NRG3: variants seen among roughly 807,000 people sequenced by gnomAD.
NRG3 encodes pro-neuregulin-3, membrane-bound isoform.
NRG3 carries 31 observed loss-of-function variants against 66.9 expected under a neutral mutation model. That is an observed-to-expected ratio of 0.46 (90% confidence interval 0.35 to 0.63). The LOEUF is 0.63. Among genes scored for constraint, NRG3 ranks in the 20% least tolerant of loss-of-function variants. The pLI, the probability that NRG3 is intolerant of heterozygous loss-of-function variation, is 0.00. For missense variants in NRG3, 910 were observed against 878.9 expected, an observed-to-expected ratio of 1.04 and a Z score of -0.45; for synonymous variants, 393 against 359.4, an observed-to-expected ratio of 1.09 and a Z score of -1.06.
intron 1 of NRG3, among the ~76,000 whole-genome samples, chr10:82,346,406 G>A (rs1286048484): frequency 1.4e-5 from 2 of 138,808 alleles, no homozygotes; most frequent in Non-Finnish European, 3.0e-5. Context: ...TGCATCCCAG[G>A]GATGAAGCCC....
chr10:82,614,811 G>A lies in NRG3; in HGVS notation c.954-123766G>A, dbSNP rs144246436. 4.1e-4 allele frequency among the ~76,000 whole-genome samples: 62 copies of A among 152,058 alleles called. 1 individual carries two copies. The East Asian group carries it at 6.6e-3, about 16-fold the overall frequency. ...AATCTTCATCCAAAACCCGTAGAAG[G>A]GTTTGTTATATAAAACACAGGATAT... On this transcript the variant is annotated intron_variant, in intron 2 of 8. Coordinates refer to ENST00000372141, the MANE Select transcript of NRG3 (RefSeq NM_001010848.4).
intron 2 of NRG3, among the ~76,000 whole-genome samples, chr10:82,418,702 G>A (rs146412925): frequency 3.9e-4 from 59 of 152,160 alleles, no homozygotes; most frequent in Admixed American, 7.2e-4. Context: ...CAGGGCTCAA[G>A]CAATCCTGCC....
intron 2 of NRG3, among the ~76,000 whole-genome samples, chr10:82,499,277 G>A (rs1420856259): frequency 6.6e-6 from 1 of 152,144 alleles, no homozygotes; most frequent in Non-Finnish European, 1.5e-5. Context: ...AAGAGACTTG[G>A]CTGGTACTTT....
chr10:82,557,876 G>C (rs1319705687), intron 2 of NRG3, among the ~76,000 whole-genome samples: 1 of 152,176 alleles, frequency 6.6e-6, no homozygotes, highest in East Asian at 1.9e-4. Context: ...GGAAGTGGCA[G>C]AGCTGGCTTT....
chr10:82,490,889 T>C (rs1412411016), intron 2 of NRG3, among the ~76,000 whole-genome samples: 1 of 152,138 alleles, frequency 6.6e-6, no homozygotes, highest in Non-Finnish European at 1.5e-5. Flanking sequence ...TTTAATGGGA[T>C]TTCCTACTTC....
intron 3 of NRG3, among the ~76,000 whole-genome samples, chr10:82,838,659 T>C (rs1197156928): frequency 1.7e-5 from 2 of 115,600 alleles, no homozygotes; most frequent in Admixed American, 1.6e-4. Context: ...ATAAATAAAA[T>C]ATTTATGAAT....
intron 4 of NRG3, among the ~76,000 whole-genome samples, chr10:82,940,299 G>C (rs1848477674): frequency 6.6e-6 from 1 of 152,130 alleles, no homozygotes; most frequent in Admixed American, 6.5e-5. Context: ...GGTTTCTTCT[G>C]AGGGCTGTGA....
intron 1 of NRG3, among the ~76,000 whole-genome samples, chr10:82,201,484 T>A (rs1275481316): frequency 1.3e-5 from 2 of 152,162 alleles, no homozygotes; most frequent in African/African-American, 4.8e-5. Flanking sequence ...AGTCTTCATG[T>A]TAAAAGGAAA....
At chr10:81,881,021 G>A (rs1281479361) in intron 1 of NRG3, among the ~76,000 whole-genome samples, 1 of 152,046 alleles carries the variant, frequency 6.6e-6, no homozygotes, top group Non-Finnish European at 1.5e-5. Context: ...CTACATAAAT[G>A]TTTCCTCTTC....
intron 1 of NRG3, among the ~76,000 whole-genome samples, chr10:82,305,503 A>G (rs1436760909): frequency 6.6e-6 from 1 of 152,160 alleles, no homozygotes; most frequent in African/African-American, 2.4e-5. Context: ...AGTGGCATGT[A>G]AGTGATGGAG....
chr10:82,130,136 C>A (rs916281493), intron 1 of NRG3, among the ~76,000 whole-genome samples: 1 of 151,716 alleles, frequency 6.6e-6, no homozygotes, highest in Admixed American at 6.6e-5. Flanking sequence ...GTATATGTAT[C>A]ATATTTTCTT....
At chr10:82,786,764 G>C (rs2060382753) in intron 3 of NRG3, among the ~76,000 whole-genome samples, 1 of 152,170 alleles carries the variant, frequency 6.6e-6, no homozygotes, top group Non-Finnish European at 1.5e-5. Flanking sequence ...TGAGAAAGGG[G>C]ACCTTTAAAA....
intron 3 of NRG3, among the ~76,000 whole-genome samples, chr10:82,785,210 A>G (rs1340072275): frequency 6.1e-4 from 83 of 135,060 alleles, no homozygotes; most frequent in African/African-American, 2.1e-3. Context: ...GTTGTGGGGT[A>G]GGGGGAAGGG....
At chr10:81,952,460 C>G (rs1289842031) in intron 1 of NRG3, among the ~76,000 whole-genome samples, 1 of 151,630 alleles carries the variant, frequency 6.6e-6, no homozygotes, top group African/African-American at 2.4e-5. Context: ...GAGAGAGAGA[C>G]CTCTTTTTTA....
chr10:81,931,780 C>G (rs538692446), intron 1 of NRG3, among the ~76,000 whole-genome samples: 1 of 152,274 alleles, frequency 6.6e-6, no homozygotes. Context: ...TCGGAAGATA[C>G]TCACTCCCAT....
At chr10:82,522,942 C>T (rs1289276246) in intron 2 of NRG3, among the ~76,000 whole-genome samples, 1 of 152,126 alleles carries the variant, frequency 6.6e-6, no homozygotes, top group Non-Finnish European at 1.5e-5. Flanking sequence ...CCTGTCATCC[C>T]CAGACATAAT....
chr10:82,041,717 T>G (rs2063046412), intron 1 of NRG3, among the ~76,000 whole-genome samples: 1 of 151,926 alleles, frequency 6.6e-6, no homozygotes, highest in Non-Finnish European at 1.5e-5. Context: ...TATGTCTTTC[T>G]CCCTCCTTCT....
intron 2 of NRG3, among the ~76,000 whole-genome samples, chr10:82,661,034 T>G (rs1181141865): frequency 6.6e-6 from 1 of 152,232 alleles, no homozygotes; most frequent in Non-Finnish European, 1.5e-5. Flanking sequence ...CTATTTTTCC[T>G]AAATCATGCA....
intron 2 of NRG3, among the ~76,000 whole-genome samples, chr10:82,551,333 A>T (rs2044291967): frequency 1.3e-5 from 2 of 152,156 alleles, no homozygotes; most frequent in Admixed American, 1.3e-4. Flanking sequence ...TTGTATTTAA[A>T]AAAAATCTCC....
Sources: allele counts gnomAD v4.1 joint callset (sites outside exome capture counted in the v4.1 genomes callset), GRCh38; gene constraint gnomAD v4.1.1; transcripts MANE v1.5; gene names NCBI Gene and HGNC (gene_info 2026-07-23, HGNC 2026-07-21).